The following HSDL2 variants were observed in gnomAD, a reference collection of about 807,000 sequenced individuals.
The protein encoded by HSDL2 is hydroxysteroid dehydrogenase-like protein 2.
In HSDL2, 27 loss-of-function variants were observed where a neutral mutation model predicts 46.3. That is an observed-to-expected ratio of 0.58 (90% CI 0.43 to 0.80). HSDL2 has a LOEUF of 0.80. Ranked by LOEUF, HSDL2 falls within the 30% of genes least tolerant of loss-of-function variation. HSDL2 has a pLI of 0.00. For missense variants in HSDL2, 451 were observed against 502.7 expected, an observed-to-expected ratio of 0.90 and a Z score of 0.98; for synonymous variants, 153 against 163.6, an observed-to-expected ratio of 0.94 and a Z score of 0.50.
At chr9:112,403,880 G>C (rs1831663177) in intron 1 of HSDL2, 115 bp from the exon 2 acceptor site, 2 of 1,096,932 alleles carry the variant, frequency 1.8e-6, no homozygotes, top group South Asian at 1.5e-5. Flanking sequence ...GGAGGGTTTA[G>C]AGAAAATTTC....
chr9:112,447,111 T>TTG (rs140871105), intron 8 of HSDL2, among the ~76,000 whole-genome samples: 3 of 152,116 alleles, frequency 2.0e-5, no homozygotes, highest in Admixed American at 6.6e-5. Flanking sequence ...ATTTCCCCTT[T>TTG]TGTGTGTGTG....
At chr9:112,465,434 T>C (rs1325860135) in intron 10 of HSDL2, among the ~76,000 whole-genome samples, 4 of 152,174 alleles carry the variant, frequency 2.6e-5, no homozygotes, top group African/African-American at 9.7e-5. Context: ...CGGCCGCAAT[T>C]ACTCATTTTA....
In HSDL2 at chr9:112,466,466, T is replaced by C. The variant is rs141688582; in HGVS notation, c.1145-3966T>C. On this transcript the variant is annotated intron_variant, in intron 10 of 10. Coordinates refer to ENST00000398805, the MANE Select transcript of HSDL2 (RefSeq NM_032303.5). ...TACTCAGGAGGCTGAGGCAGGAGAA[T>C]CGCTTGAACCCAGGAGGCGGAGGCT... Among the ~76,000 whole-genome samples, 858 of 151,418 alleles carry C rather than the reference T, an allele frequency of 5.7e-3. 13 individuals are homozygous for C. The highest frequency in any genetic ancestry group is 0.02 in the African/African-American group (822 of 41,236).
chr9:112,417,701 C>G (rs1832023512), intron 5 of HSDL2, among the ~76,000 whole-genome samples: 1 of 151,780 alleles, frequency 6.6e-6, no homozygotes, highest in African/African-American at 2.4e-5. Flanking sequence ...CTTTAATTGA[C>G]TAGGTTAAAT....
intron 1 of HSDL2, among the ~76,000 whole-genome samples, chr9:112,381,990 C>CA (rs1487712188): frequency 6.6e-6 from 1 of 152,174 alleles, no homozygotes; most frequent in Non-Finnish European, 1.5e-5. Flanking sequence ...GTAGTCCCAG[C>CA]ACTTTGGGAG....
At chr9:112,425,258 A>C (rs1430064350) in intron 6 of HSDL2, among the ~76,000 whole-genome samples, 1 of 152,150 alleles carries the variant, frequency 6.6e-6, no homozygotes, top group East Asian at 1.9e-4. Flanking sequence ...TTTTTGTGTA[A>C]TGTTCCTATC....
chr9:112,469,237 A>AAT lies in HSDL2; in HGVS notation c.1145-1185_1145-1184dup, dbSNP rs575276470. ...TTAAAGGCATTTAATAGCTTAATAT[A>AAT]ATATATATATAATATATTAACTCAC... On this transcript the variant is annotated intron_variant, in intron 10 of 10. Coordinates refer to ENST00000398805, the MANE Select transcript of HSDL2 (RefSeq NM_032303.5). Among the ~76,000 whole-genome samples the AAT allele has an allele frequency of 6.9e-4, 104 of 151,720 alleles. 2 individuals are homozygous for AAT. The East Asian group carries it at 0.016, about 24-fold the overall frequency.
At chr9:112,455,439 A>G (rs1212794459) in intron 9 of HSDL2, among the ~76,000 whole-genome samples, 2 of 152,090 alleles carry the variant, frequency 1.3e-5, no homozygotes, top group Admixed American at 1.3e-4. Flanking sequence ...CTTGTGTCCT[A>G]AACTTGCTGG....
chr9:112,399,599 G>A (rs1372752193), intron 1 of HSDL2, among the ~76,000 whole-genome samples: 1 of 152,136 alleles, frequency 6.6e-6, no homozygotes, highest in Non-Finnish European at 1.5e-5. Context: ...GCATAAGACA[G>A]ACGTTCCCAG....
intron 6 of HSDL2, among the ~76,000 whole-genome samples, chr9:112,426,864 A>C (rs1469761146): frequency 3.9e-5 from 6 of 152,124 alleles, no homozygotes; most frequent in Admixed American, 2.0e-4. Flanking sequence ...TCAAACTTTT[A>C]ATTATGAAAA....
chr9:112,450,261 C>CCTG (rs1554714614), intron 8 of HSDL2, among the ~76,000 whole-genome samples: 5 of 130,212 alleles, frequency 3.8e-5, no homozygotes, highest in East Asian at 2.2e-4. Context: ...GAGACCCCCC[C>CCTG]CCCATCTCTA....
chr9:112,393,255 A>G lies in HSDL2; in HGVS notation c.18-10740A>G, dbSNP rs118025332. On this transcript the variant is annotated intron_variant, in intron 1 of 10. Transcript: ENST00000398805. ...ATAAGCTTGAGAGGCTTCAAAAATTATTGTCTTTAATTTAGTTACGTCCAA... is the reference window on the plus strand; with the variant it reads ...ATAAGCTTGAGAGGCTTCAAAAATTGTTGTCTTTAATTTAGTTACGTCCAA... Among the ~76,000 whole-genome samples, 452 of 152,270 alleles carry G rather than the reference A, an allele frequency of 3.0e-3. 2 individuals carry two copies. Among genetic ancestry groups the G allele is most frequent in the African/African-American group, 0.01 (421 of 41,548 alleles).
chr9:112,381,096 C>CACACACACACACACACACAA (rs1554707220), intron 1 of HSDL2, among the ~76,000 whole-genome samples: 170 of 139,314 alleles, frequency 1.2e-3, no homozygotes, highest in African/African-American at 4.4e-3. Context: ...GATACACACA[C>CACACACACACACACACACAA]ACACACACAC....
chr9:112,454,761 A>C (rs1380956052), intron 9 of HSDL2, among the ~76,000 whole-genome samples: 1 of 151,942 alleles, frequency 6.6e-6, no homozygotes, highest in African/African-American at 2.4e-5. Flanking sequence ...GCTGGAGTGC[A>C]GTGGTGGGAT....
At chr9:112,438,892 A>G in intron 7 of HSDL2, 1 of 228,640 alleles carries the variant, frequency 4.4e-6, no homozygotes. Flanking sequence ...AGCCACTTCT[A>G]AATCTCGAAA....
chr9:112,446,030 G>C (rs1832752382), intron 8 of HSDL2, among the ~76,000 whole-genome samples: 1 of 152,012 alleles, frequency 6.6e-6, no homozygotes, highest in African/African-American at 2.4e-5. Flanking sequence ...TAGGTTTCAT[G>C]GTAAATTAGT....
intron 1 of HSDL2, among the ~76,000 whole-genome samples, chr9:112,392,632 A>C (rs1280480699): frequency 6.6e-6 from 1 of 152,178 alleles, no homozygotes; most frequent in Non-Finnish European, 1.5e-5. Flanking sequence ...CAAGAAGAAA[A>C]ATATGGCTCT....
At chr9:112,468,640 TC>T (rs1297417105) in intron 10 of HSDL2, among the ~76,000 whole-genome samples, 1 of 151,964 alleles carries the variant, frequency 6.6e-6, no homozygotes, top group African/African-American at 2.4e-5. Context: ...CCTGTGCTCC[TC>T]CTCTTCCCTC....
chr9:112,460,114 A>T (rs1833158511), intron 10 of HSDL2, among the ~76,000 whole-genome samples: 1 of 152,114 alleles, frequency 6.6e-6, no homozygotes, highest in Non-Finnish European at 1.5e-5. Context: ...ATTAAGGATA[A>T]TTTTCTCTTT....
Sources: allele counts gnomAD v4.1 joint callset (sites outside exome capture counted in the v4.1 genomes callset), GRCh38; gene constraint gnomAD v4.1.1; transcripts MANE v1.5; gene names NCBI Gene and HGNC (gene_info 2026-07-23, HGNC 2026-07-21).